TTC34: variants seen among roughly 807,000 people sequenced by gnomAD.
TTC34 encodes tetratricopeptide repeat domain 34.
A neutral mutation model predicts 40.7 loss-of-function variants in TTC34; 44 were observed. The observed-to-expected ratio is 1.08, with a 90% CI of 0.85 to 1.39. The LOEUF (loss-of-function observed/expected upper bound fraction) is 1.39, where lower values mean the gene tolerates loss of function less well. Ranked by LOEUF, TTC34 falls within the 40% of genes most tolerant of loss-of-function variation. The pLI is 0.00. For missense variants in TTC34, 884 were observed against 838.0 expected, an observed-to-expected ratio of 1.05 and a Z score of -0.68; for synonymous variants, 422 against 398.6, an observed-to-expected ratio of 1.06 and a Z score of -0.70.
At chr1:2,759,680 C>A (rs1350078344) in intron 6 of TTC34, among the ~76,000 whole-genome samples, 3 of 141,374 alleles carry the variant, frequency 2.1e-5, no homozygotes, top group African/African-American at 2.8e-5. Flanking sequence ...CACCAACAAC[C>A]CCAGGCTTGC....
At chr1:2,772,937 C>T (rs1158241597) in intron 6 of TTC34, among the ~76,000 whole-genome samples, 1 of 130,630 alleles carries the variant, frequency 7.7e-6, no homozygotes, top group Non-Finnish European at 1.7e-5. Context: ...AGCACCCATA[C>T]CCCCAGGCGA....
chr1:2,771,460 GACA>G (rs1642119603), intron 6 of TTC34, among the ~76,000 whole-genome samples: 1 of 80,840 alleles, frequency 1.2e-5, no homozygotes. Flanking sequence ...GTGAGCATCT[GACA>G]GTCTGGAACA....
At chr1:2,646,368 C>T (rs1639022095) in intron 6 of TTC34, among the ~76,000 whole-genome samples, 1 of 152,156 alleles carries the variant, frequency 6.6e-6, no homozygotes, top group South Asian at 2.1e-4. Context: ...TCACATAGTG[C>T]ATTATTTCAA....
chr1:2,698,851 C>A (rs1286724884), intron 6 of TTC34, among the ~76,000 whole-genome samples: 5 of 148,812 alleles, frequency 3.4e-5, no homozygotes, highest in South Asian at 2.1e-4. Context: ...ACCCACACTC[C>A]CAGGCGAGCA....
At chr1:2,791,615 C>T (rs1191430031) in intron 2 of TTC34, among the ~76,000 whole-genome samples, 2 of 152,178 alleles carry the variant, frequency 1.3e-5, no homozygotes, top group Non-Finnish European at 2.9e-5. Flanking sequence ...GCCACAAGGT[C>T]ACTCTGTCTA....
chr1:2,644,373 TCTCCCTTCTTGAG>T lies in TTC34; in HGVS notation c.2590_2602del (p.Leu864ThrfsTer121). ...CAGGTCCCTTGCAGCCCCTGGCACGTCTCCCTTCTTGAGCTGGAGCAGGCCCAGCCGGGCCCGG... is the reference window on the plus strand; with the variant it reads ...CAGGTCCCTTGCAGCCCCTGGCACGTCTGGAGCAGGCCCAGCCGGGCCCGG... On this transcript the variant is annotated frameshift_variant, in exon 8 of 9. Coordinates refer to ENST00000401095, the Ensembl canonical transcript of TTC34. LOFTEE classifies it high-confidence loss of function. The T allele has an allele frequency of 6.5e-7, 1 of 1,535,870 alleles. No individual in the cohort carries two copies.
exon 9 of TTC34, chr1:2,641,336 C>T (rs1309261342): frequency 1.0e-5 from 15 of 1,459,118 alleles, no homozygotes; most frequent in South Asian, 4.2e-5. Flanking sequence ...AGGGTGGCCC[C>T]GTGATTAGGG....
At chr1:2,787,605 CCCAGGCGGT>C in exon 4 of TTC34, 1 of 1,549,716 alleles carries the variant, frequency 6.5e-7, no homozygotes, top group South Asian at 1.2e-5. Flanking sequence ...CTCCAGGCGG[CCCAGGCGGT>C]ACAGGGCATC....
intron 6 of TTC34, among the ~76,000 whole-genome samples, chr1:2,688,202 C>G (rs1450239896): frequency 0.019 from 362 of 18,574 alleles, no homozygotes; most frequent in African/African-American, 0.038. Context: ...GGAGCAGCAC[C>G]CCACACCCCC....
At chr1:2,638,818 T>C (rs905849500) in exon 9 of TTC34, 2 of 152,412 alleles carry the variant, frequency 1.3e-5, no homozygotes, top group African/African-American at 4.8e-5. Context: ...ACTCACCCAC[T>C]GTGCTCAGGG....
chr1:2,693,780 C>G (rs1218160252), intron 6 of TTC34, among the ~76,000 whole-genome samples: 14 of 115,012 alleles, frequency 1.2e-4, no homozygotes, highest in South Asian at 2.8e-4. Flanking sequence ...TGGAGCAGCA[C>G]CCACACCCCC....
chr1:2,780,469 G>T (rs151198856), intron 6 of TTC34, among the ~76,000 whole-genome samples: 1 of 152,320 alleles, frequency 6.6e-6, no homozygotes, highest in African/African-American at 2.4e-5. Context: ...TGTTAGGAAA[G>T]AGTCCAACTT....
At chr1:2,651,881 C>G (rs528462438) in intron 6 of TTC34, among the ~76,000 whole-genome samples, 1 of 152,168 alleles carries the variant, frequency 6.6e-6, no homozygotes, top group South Asian at 2.1e-4. Context: ...CAACAACTCA[C>G]GATTTTGGGT....
chr1:2,646,821 T>C (rs1296622164), intron 6 of TTC34, among the ~76,000 whole-genome samples: 1 of 152,368 alleles, frequency 6.6e-6, no homozygotes, highest in Non-Finnish European at 1.5e-5. Flanking sequence ...TTTCACCACC[T>C]TCCCTCAGGA....
At chr1:2,683,752 AC>A (rs1165603426) in intron 6 of TTC34, among the ~76,000 whole-genome samples, 2 of 145,028 alleles carry the variant, frequency 1.4e-5, no homozygotes, top group East Asian at 2.0e-4. Context: ...CAGCACCCAC[AC>A]CCCCAGGTGA....
At position 2,771,404 on chromosome 1, in the gene TTC34, T is replaced by G. The variant is rs1392537415; in HGVS notation, c.2226+12205A>C. Reference sequence around the variant, plus strand: ...GACAGCCTGGAACAGAACCCCACTCTTCCAGGTGAGAATCTGACACATAAA... The same window carrying G: ...GACAGCCTGGAACAGAACCCCACTCGTCCAGGTGAGAATCTGACACATAAA... On this transcript the variant is annotated intron_variant, in intron 6 of 8. Coordinates refer to ENST00000401095, the Ensembl canonical transcript of TTC34. Among the ~76,000 whole-genome samples, 2 of 67,940 alleles carry G rather than the reference T, an allele frequency of 2.9e-5. 1 individual carries two copies. Among genetic ancestry groups the G allele is most frequent in the African/African-American group, 2.5e-4 (2 of 8,074 alleles). The allele number at this position is 67,940 out of a possible 152,430, so 44.6% of individuals were successfully genotyped here.
intron 8 of TTC34, among the ~76,000 whole-genome samples, chr1:2,642,546 G>A (rs1570744031): frequency 2.0e-5 from 3 of 152,320 alleles, no homozygotes; most frequent in Admixed American, 2.0e-4. Flanking sequence ...GCCCACCCAG[G>A]CCCAATCGCC....
intron 6 of TTC34, among the ~76,000 whole-genome samples, chr1:2,752,562 G>C (rs1408181450): frequency 9.5e-6 from 1 of 104,726 alleles, no homozygotes; most frequent in East Asian, 3.6e-4. Context: ...GCCTGGAACA[G>C]CACCTTGCAC....
exon 2 of TTC34, chr1:2,800,116 C>G (rs1004859222): frequency 5.0e-6 from 2 of 398,402 alleles, no homozygotes; most frequent in Non-Finnish European, 8.8e-6. Context: ...TCAAACCTGC[C>G]GCTGTGGAGC....
Sources: gnomAD v4.1 joint callset for allele counts (sites outside exome capture counted in the v4.1 genomes callset) on GRCh38, gnomAD v4.1.1 for gene constraint, MANE v1.5 for transcripts, NCBI Gene and HGNC (gene_info 2026-07-23, HGNC 2026-07-21) for gene names.